The following FAM20C variants were observed in gnomAD, a reference collection of about 807,000 sequenced individuals.
The protein encoded by FAM20C is FAM20C golgi associated secretory pathway kinase.
Under a neutral mutation model 51.5 loss-of-function variants are expected in FAM20C, and 40 were observed. That is an observed-to-expected ratio of 0.78 (90% CI 0.60 to 1.01). The LOEUF (loss-of-function observed/expected upper bound fraction) is 1.01. Among genes scored for constraint, FAM20C ranks in the 50% least tolerant of loss-of-function variants. FAM20C has a pLI of 0.00. For missense variants in FAM20C, 861 were observed against 844.7 expected, an observed-to-expected ratio of 1.02 and a Z score of -0.24; for synonymous variants, 406 against 380.6, an observed-to-expected ratio of 1.07 and a Z score of -0.78.
intron 3 of FAM20C, among the ~76,000 whole-genome samples, chr7:236,549 C>G (rs1231077637): frequency 6.6e-6 from 1 of 152,218 alleles, no homozygotes; most frequent in African/African-American, 2.4e-5. Context: ...GATCGTCTTG[C>G]TCCCACTTCT....
intron 3 of FAM20C, among the ~76,000 whole-genome samples, chr7:210,221 C>A (rs930094152): frequency 7.0e-6 from 1 of 142,354 alleles, no homozygotes; most frequent in Non-Finnish European, 1.6e-5. Flanking sequence ...CGGCCCAGCC[C>A]TGCGGGGGGC....
chr7:210,096 C>A (rs1289694709), intron 3 of FAM20C, among the ~76,000 whole-genome samples: 1 of 152,228 alleles, frequency 6.6e-6, no homozygotes, highest in African/African-American at 2.4e-5. Context: ...GGCCGGGGAG[C>A]AGCCGTTCAC....
At position 193,100 on chromosome 7, in the gene FAM20C, TG is replaced by T; in HGVS notation, c.-98del. On this transcript the variant is annotated 5_prime_UTR_variant, in exon 1 of 10. An upstream open reading frame in the 5' UTR loses its in-frame stop. Transcript: ENST00000313766. ...GGAGCTGGTAGCCGCCCGGCACCGA[TG>T]GACCTTGACCCGCGAGGCGGCGCCG... is the stretch of plus-strand genomic sequence containing the variant. 8.9e-7 allele frequency: 1 copy of T among 1,118,154 alleles called. No homozygotes were observed. The highest frequency in any genetic ancestry group is 1.2e-6 in the Non-Finnish European group (1 of 866,480). The allele number at this position is 1,118,154 out of a possible 1,614,324, so 69.3% of individuals were successfully genotyped here.
At chr7:258,615 G>T (rs1433196345) in intron 8 of FAM20C, 31 bp from the exon 9 acceptor site, 33 of 1,535,846 alleles carry the variant, frequency 2.1e-5, no homozygotes, top group African/African-American at 2.7e-5. Context: ...TTGTACAGGG[G>T]CCCTTGACAA....
chr7:195,829 C>T (rs974390860), intron 2 of FAM20C, 97 bp downstream of exon 2: 10 of 1,227,484 alleles, frequency 8.1e-6, no homozygotes, highest in East Asian at 5.8e-5. Context: ...TCTGGGAGGC[C>T]GTTGCTCATT....
intron 3 of FAM20C, among the ~76,000 whole-genome samples, chr7:230,820 G>C (rs866113488): frequency 2.1e-4 from 32 of 149,518 alleles, no homozygotes; most frequent in African/African-American, 7.5e-4. Flanking sequence ...ATACCTATCG[G>C]TTAATGAAGG....
In FAM20C at chr7:259,942, G is replaced by A. The variant is rs534686149; in HGVS notation, c.1717G>A (p.Asp573Asn). 3.7e-4 allele frequency: 572 copies of A among 1,529,670 alleles called. 2 individuals are homozygous for A. Among genetic ancestry groups the A allele is most frequent in the Admixed American group, 4.9e-4 (25 of 50,894 alleles). 94.8% of individuals were successfully genotyped at this position (1,529,670 alleles called of 1,614,324 possible). A position where few individuals can be genotyped will look rare whatever the true frequency, so the allele number is the denominator to read the frequency against. Residue 573 changes from aspartate to asparagine, a missense_variant, in exon 10 of 10, where the codon GAC (aspartate) becomes AAC (asparagine). By Grantham distance (23) the Asp-to-Asn change is conservative. Transcript: ENST00000313766. Reference sequence around the variant, plus strand: ...CGGGCTCCACAGCGTGGTGGATGACGACCTGGACACTGAGCACAGAGCCGC... The same window carrying A: ...CGGGCTCCACAGCGTGGTGGATGACAACCTGGACACTGAGCACAGAGCCGC... Reference protein sequence around the residue: ...RNGLHSVVDDDLDTEHRAASA... With the variant: ...RNGLHSVVDDNLDTEHRAASA...
At position 193,048 on chromosome 7, in the gene FAM20C, A is replaced by T; in HGVS notation, c.-152A>T. The T allele has an allele frequency of 6.4e-6, 3 of 469,416 alleles. No homozygotes were observed. Among genetic ancestry groups the T allele is most frequent in the Non-Finnish European group, 9.1e-6 (3 of 328,908 alleles). The allele number at this position is 469,416 out of a possible 1,614,324, so 29.1% of individuals were successfully genotyped here. ...AGCGCTCCGGCGGCGGGCGCCCTGC[A>T]CGCGGCCCGGGCCCGGGGACAGCCC... On this transcript the variant is annotated 5_prime_UTR_variant, in exon 1 of 10. Transcript: ENST00000313766.
intron 3 of FAM20C, among the ~76,000 whole-genome samples, chr7:210,587 T>G (rs1786664358): frequency 6.6e-6 from 1 of 151,938 alleles, no homozygotes; most frequent in South Asian, 2.1e-4. Context: ...GGAGGCAGAC[T>G]CCCGCCTCCC....
intron 3 of FAM20C, among the ~76,000 whole-genome samples, chr7:231,186 C>T (rs79229590): frequency 0.054 from 8,146 of 152,226 alleles, 253 homozygotes; most frequent in Non-Finnish European, 0.078. Context: ...ATCATGCAGA[C>T]GGGAGACAGG....
At chr7:246,147 A>ACGGGCCTGCGCCGCTCTG in intron 3 of FAM20C, 1 of 349,732 alleles carries the variant, frequency 2.9e-6, no homozygotes, top group Non-Finnish European at 5.3e-6. Context: ...CCTCCGTCGC[A>ACGGGCCTGCGCCGCTCTG]AGGGCCTGCG....
chr7:256,245 C>T (rs375273709), intron 6 of FAM20C: 141 of 659,710 alleles, frequency 2.1e-4, no homozygotes, highest in Admixed American at 1.2e-4. Flanking sequence ...TGACCCGGGC[C>T]GGCCTGCCCA....
intron 3 of FAM20C, among the ~76,000 whole-genome samples, chr7:212,791 T>A (rs1446899063): frequency 1.3e-5 from 2 of 152,230 alleles, no homozygotes; most frequent in Non-Finnish European, 2.9e-5. Flanking sequence ...GTTCTTTTTT[T>A]AAAGTCAGCT....
intron 2 of FAM20C, among the ~76,000 whole-genome samples, chr7:198,629 C>T (rs963126544): frequency 6.6e-6 from 1 of 152,212 alleles, no homozygotes; most frequent in Non-Finnish European, 1.5e-5. Flanking sequence ...ACCACGTGTG[C>T]CTTTGTCATC....
chr7:223,452 CG>C (rs1787329376), intron 3 of FAM20C, among the ~76,000 whole-genome samples: 1 of 152,218 alleles, frequency 6.6e-6, no homozygotes, highest in South Asian at 2.1e-4. Context: ...TCTCGCTCTC[CG>C]GGGCTGTCCT....
intron 3 of FAM20C, among the ~76,000 whole-genome samples, chr7:211,292 C>T (rs1013140994): frequency 5.3e-5 from 8 of 150,390 alleles, no homozygotes; most frequent in African/African-American, 1.5e-4. Context: ...CTGAGCCTCC[C>T]CTTAGACATC....
Position 193,746 on chromosome 7 carries a change from C to A in FAM20C, c.547C>A (p.Leu183Met). 6.5e-7 allele frequency: 1 copy of A among 1,548,900 alleles called. No homozygotes were observed. Among genetic ancestry groups the A allele is most frequent in the South Asian group, 1.2e-5 (1 of 83,972 alleles). ...TCCGCCGCTCACGGAGGAGGACGTC[C>A]TGTTCAATGTGAACAGCGACACCAG... ...AVPPLTEEDV[L>M]FNVNSDTRLS... is the part of the protein sequence containing the mutation. Residue 183 changes from leucine to methionine, a missense_variant, in exon 1 of 10, where the codon CTG (leucine) becomes ATG (methionine). This residue lies in a region of FAM20C where 561 missense variants were observed against 499.8 expected (regional missense o/e 1.12). Coordinates refer to ENST00000313766, the MANE Select transcript of FAM20C (RefSeq NM_020223.4).
chr7:231,723 C>T (rs1000127689), intron 3 of FAM20C, among the ~76,000 whole-genome samples: 12 of 152,196 alleles, frequency 7.9e-5, no homozygotes, highest in African/African-American at 2.9e-4. Flanking sequence ...TGAGTGGGCA[C>T]CTGGCGGTGT....
chr7:217,144 A>G (rs28696781), intron 3 of FAM20C, among the ~76,000 whole-genome samples: 133,812 of 152,190 alleles, frequency 0.88, 59,114 homozygotes, highest in South Asian at 0.93. Flanking sequence ...GGGTGAGCAG[A>G]TGCAGCTCAG....
Sources: gnomAD v4.1 joint callset for allele counts (sites outside exome capture counted in the v4.1 genomes callset) on GRCh38, gnomAD v4.1.1 for gene constraint, gnomAD v4.1.1 regional missense constraint, MANE v1.5 for transcripts, NCBI Gene and HGNC (gene_info 2026-07-23, HGNC 2026-07-21) for gene names.